Variants in IBSP observed in about 807,000 individuals in gnomAD.
IBSP encodes integrin-binding sialoprotein.
A neutral mutation model predicts 25.5 loss-of-function variants in IBSP; 19 were observed. The ratio of observed to expected loss-of-function variants is 0.74; its 90% CI spans 0.52 to 1.09. The LOEUF (loss-of-function observed/expected upper bound fraction) is 1.09, where lower values mean the gene tolerates loss of function less well. IBSP is among the 50% of genes least tolerant of loss of function. IBSP has a pLI of 0.00. For missense variants in IBSP, 360 were observed against 382.3 expected (o/e 0.94, Z 0.49); for synonymous variants, 144 against 137.6 (o/e 1.05, Z -0.33).
intron 6 of IBSP, among the ~76,000 whole-genome samples, 164 bp downstream of exon 6, chr4:87,810,928 A>G (rs1027332296): frequency 6.6e-6 from 1 of 152,160 alleles, no homozygotes; most frequent in Non-Finnish European, 1.5e-5. Flanking sequence ...GAGCAGATAC[A>G]ATTTTCCTAT....
At chr4:87,809,406 A>G (rs1477882362) in intron 5 of IBSP, among the ~76,000 whole-genome samples, 1 of 152,230 alleles carries the variant, frequency 6.6e-6, no homozygotes, top group Non-Finnish European at 1.5e-5. Context: ...AGATTTTTCA[A>G]CTGCAAATAG....
At chr4:87,808,441 A>G (rs1364931962) in intron 5 of IBSP, among the ~76,000 whole-genome samples, 1 of 152,178 alleles carries the variant, frequency 6.6e-6, no homozygotes, top group Non-Finnish European at 1.5e-5. Context: ...TCGGCCTCCC[A>G]AAGTGCTGGG....
At position 87,811,582 on chromosome 4, in the gene IBSP, C is replaced by A. The variant is rs754509647; in HGVS notation, c.626C>A (p.Ala209Asp). Residue 209 changes from alanine to aspartate, a missense_variant, in exon 7 of 7, where the codon GCC becomes GAC. By Grantham distance (126) the Ala-to-Asp change is moderately radical. Transcript: ENST00000226284. The part of the protein sequence containing the change: ...EEGEEESVTG[A>D]NAEDTTETGR... ...GGGGAAGAAGAAAGTGTCACTGGAG[C>A]CAATGCAGAAGACACCACAGAGACC... 8 of 1,613,544 alleles carry A rather than the reference C, an allele frequency of 5.0e-6. No individual in the cohort carries two copies. The highest frequency in any genetic ancestry group is 6.8e-6 in the Non-Finnish European group (8 of 1,179,824).
At chr4:87,802,276 T>C in intron 1 of IBSP, 72 bp from the exon 2 acceptor site, 1 of 877,974 alleles carries the variant, frequency 1.1e-6, no homozygotes, top group Non-Finnish European at 1.8e-6. Flanking sequence ...ATACTTCATC[T>C]TTGAATATGA....
At chr4:87,807,434 C>T (rs1373029440) in intron 5 of IBSP, among the ~76,000 whole-genome samples, 1 of 152,042 alleles carries the variant, frequency 6.6e-6, no homozygotes, top group Non-Finnish European at 1.5e-5. Flanking sequence ...ATACTAACAT[C>T]TTGAAGGAAG....
At chr4:87,800,461 C>A (rs1280019363) in intron 1 of IBSP, among the ~76,000 whole-genome samples, 1 of 152,004 alleles carries the variant, frequency 6.6e-6, no homozygotes, top group African/African-American at 2.4e-5. Context: ...ATATTCCGAC[C>A]CTTCTCACAA....
chr4:87,806,983 C>T (rs1252241191), intron 5 of IBSP, among the ~76,000 whole-genome samples: 2 of 150,970 alleles, frequency 1.3e-5, no homozygotes, highest in Admixed American at 1.3e-4. Context: ...CCAGTCTGCG[C>T]AACAGAGCAA....
intron 4 of IBSP, 49 bp from the exon 5 acceptor site, chr4:87,806,073 T>A (rs769867062): frequency 7.3e-7 from 1 of 1,361,142 alleles, no homozygotes; most frequent in Non-Finnish European, 1.0e-6. Flanking sequence ...TGCTGTTGAA[T>A]ATATTTGTAC....
intron 1 of IBSP, among the ~76,000 whole-genome samples, chr4:87,801,481 TACACACACACACAC>T (rs34524230): frequency 9.1e-5 from 12 of 132,356 alleles, no homozygotes; most frequent in African/African-American, 2.1e-4. Flanking sequence ...CACCCACCCA[TACACACACACACAC>T]ACACACACAC....
chr4:87,810,630 A>G lies in IBSP; in HGVS notation c.271A>G (p.Asn91Asp), dbSNP rs749486542. ...EEETSNEGENNEESNEDEDSE... is the reference protein window; with the variant it reads ...EEETSNEGENDEESNEDEDSE... ...GGAGACTTCAAATGAAGGAGAAAACAATGAAGAATCGAATGAAGATGAAGA... is the reference window on the plus strand; with the variant it reads ...GGAGACTTCAAATGAAGGAGAAAACGATGAAGAATCGAATGAAGATGAAGA... The change falls in exon 6 of 7, where the codon AAT becomes GAT. Residue 91 changes from asparagine to aspartate, a missense_variant. Transcript: ENST00000226284. The G allele has an allele frequency of 6.8e-6, 11 of 1,612,990 alleles. No homozygotes were observed. The Admixed American group carries it at 1.7e-4, about 24-fold the overall frequency.
chr4:87,808,137 C>T (rs933180776), intron 5 of IBSP, among the ~76,000 whole-genome samples: 2 of 151,944 alleles, frequency 1.3e-5, no homozygotes, highest in African/African-American at 4.8e-5. Flanking sequence ...TTGGTGATCA[C>T]ACATTTCCTT....
Position 87,802,407 on chromosome 4 carries a change from G to A in IBSP, c.46G>A (p.Ala16Thr), listed in dbSNP as rs761933509. The change falls in exon 2 of 7, where the codon GCT becomes ACT. Residue 16 changes from alanine to threonine, a missense_variant. Physicochemically the swap from Ala to Thr is moderately conservative, Grantham distance 58. Coordinates refer to ENST00000226284, the MANE Select transcript of IBSP (RefSeq NM_004967.4). ...GCTCAGCATTTTGGGAATGGCCTGTGCTTTCTCAGTAAGTTCTTTATCAAA... is the reference window on the plus strand; with the variant it reads ...GCTCAGCATTTTGGGAATGGCCTGTACTTTCTCAGTAAGTTCTTTATCAAA... ...ILLSILGMAC[A>T]FSMKNLHRRV... 2 of 1,610,124 alleles carry A rather than the reference G, an allele frequency of 1.2e-6. No individual in the cohort carries two copies. The highest frequency in any genetic ancestry group is 1.1e-5 in the South Asian group (1 of 89,818).
At chr4:87,802,172 A>G (rs1722026826) in intron 1 of IBSP, among the ~76,000 whole-genome samples, 176 bp from the exon 2 acceptor site, 1 of 152,364 alleles carries the variant, frequency 6.6e-6, no homozygotes, top group East Asian at 1.9e-4. Context: ...TCAGTCTTAT[A>G]TTACTTAAAT....
chr4:87,807,329 C>T (rs879514316), intron 5 of IBSP, among the ~76,000 whole-genome samples: 1 of 152,068 alleles, frequency 6.6e-6, no homozygotes, highest in Non-Finnish European at 1.5e-5. Flanking sequence ...TAACAGCTGT[C>T]TTGAAAACAA....
At chr4:87,808,833 G>C (rs1722128451) in intron 5 of IBSP, among the ~76,000 whole-genome samples, 1 of 152,184 alleles carries the variant, frequency 6.6e-6, no homozygotes, top group Non-Finnish European at 1.5e-5. Flanking sequence ...GTACCAAAAT[G>C]TGTTATTCTT....
At chr4:87,801,335 G>A (rs960345515) in intron 1 of IBSP, among the ~76,000 whole-genome samples, 21 of 151,656 alleles carry the variant, frequency 1.4e-4, no homozygotes, top group African/African-American at 5.1e-4. Context: ...ATCTGCCCCC[G>A]ATATCTCAAG....
In IBSP at chr4:87,808,690, T is replaced by C. The variant is rs541145751; in HGVS notation, c.247-1916T>C. 4.9e-4 allele frequency among the ~76,000 whole-genome samples: 75 copies of C among 152,288 alleles called. No individual in the cohort carries two copies. The South Asian group carries it at 0.015, about 31-fold the overall frequency. On this transcript the variant is annotated intron_variant, in intron 5 of 6. Transcript: ENST00000226284. The stretch of plus-strand genomic sequence containing the variant: ...AGATTGACTTTGGCCTGTTTTTGTA[T>C]ATTATGAATGTAGGATCATACATGA...
At position 87,811,387 on chromosome 4, in the gene IBSP, C is replaced by T; in HGVS notation, c.431C>T (p.Thr144Ile). 6.2e-7 allele frequency: 1 copy of T among 1,610,456 alleles called. No homozygotes were observed. The highest frequency in any genetic ancestry group is 1.1e-5 in the South Asian group (1 of 90,594). Residue 144 changes from threonine to isoleucine, a missense_variant, in exon 7 of 7, where the codon ACA becomes ATA. By Grantham distance (89) the Thr-to-Ile change is moderately conservative. Coordinates refer to ENST00000226284, the MANE Select transcript of IBSP (RefSeq NM_004967.4). ...GCTGGGGATATAACAAATAAAGCTA[C>T]AAAAGAGAAGGAAAGTGATGAAGAA... ...KKAGDITNKATKEKESDEEEE... is the reference protein window; with the variant it reads ...KKAGDITNKAIKEKESDEEEE...
At chr4:87,805,124 C>G (rs1003090378) in intron 4 of IBSP, among the ~76,000 whole-genome samples, 2 of 152,150 alleles carry the variant, frequency 1.3e-5, no homozygotes, top group Non-Finnish European at 2.9e-5. Flanking sequence ...CCAGCAGGGA[C>G]AGTCCCACAG....
Sources: gnomAD v4.1 joint callset for allele counts (sites outside exome capture counted in the v4.1 genomes callset) on GRCh38, gnomAD v4.1.1 for gene constraint, MANE v1.5 for transcripts, NCBI Gene and HGNC (gene_info 2026-07-23, HGNC 2026-07-21) for gene names.